The following GLI2 variants were observed in gnomAD, a reference collection of about 807,000 sequenced individuals.
GLI2 encodes GLI family zinc finger 2.
In GLI2, 22 loss-of-function variants were observed where a neutral mutation model predicts 78.9. The ratio of observed to expected loss-of-function variants is 0.28; its 90% CI spans 0.20 to 0.40. GLI2 has a LOEUF of 0.40. GLI2 is among the 10% of genes least tolerant of loss of function. The pLI, the probability that GLI2 is intolerant of heterozygous loss-of-function variation, is 1.00. For missense variants in GLI2, 2,097 were observed against 2,213.2 expected (o/e 0.95, Z 1.05); for synonymous variants, 974 against 963.7 (o/e 1.01, Z -0.20).
At chr2:120,858,721 A>G (rs1041872164) in intron 2 of GLI2, among the ~76,000 whole-genome samples, 1 of 152,126 alleles carries the variant, frequency 6.6e-6, no homozygotes, top group African/African-American at 2.4e-5. Flanking sequence ...TGAGCATGAG[A>G]TGATGTCAGG....
chr2:120,947,392 G>A (rs897410720), intron 3 of GLI2, among the ~76,000 whole-genome samples: 5 of 152,216 alleles, frequency 3.3e-5, no homozygotes, highest in African/African-American at 1.2e-4. Flanking sequence ...GAAAATATGT[G>A]CATGTGCCCC....
chr2:120,968,996 G>A, intron 6 of GLI2, 81 bp downstream of exon 6: 2 of 1,073,776 alleles, frequency 1.9e-6, no homozygotes, highest in South Asian at 2.6e-5. Flanking sequence ...TTTTCAGTGG[G>A]CGCTTTTGAC....
chr2:120,797,776 A>C (rs535596502), intron 2 of GLI2, among the ~76,000 whole-genome samples: 1 of 152,204 alleles, frequency 6.6e-6, no homozygotes, highest in South Asian at 2.1e-4. Flanking sequence ...GCTGCCAGGC[A>C]GCCCTGGGGT....
intron 2 of GLI2, among the ~76,000 whole-genome samples, chr2:120,842,678 G>A (rs1260000099): frequency 6.6e-6 from 1 of 152,170 alleles, no homozygotes; most frequent in African/African-American, 2.4e-5. Context: ...GGGCTGGCCT[G>A]GCCTCTGAGC....
At chr2:120,787,040 A>G (rs544357047) in intron 1 of GLI2, among the ~76,000 whole-genome samples, 2 of 152,352 alleles carry the variant, frequency 1.3e-5, no homozygotes, top group East Asian at 3.9e-4. Flanking sequence ...GGACACGGAC[A>G]CGTAAACATG....
rs1679416945 is a variant in GLI2, at chr2:120,922,292, CG to C, written c.149-5067del. 2.6e-5 allele frequency among the ~76,000 whole-genome samples: 4 copies of C among 152,178 alleles called. No homozygotes were observed. The South Asian group carries it at 8.3e-4, about 31-fold the overall frequency. ...ATGGGGTCTTCTCTCTGAGGGTGAG[CG>C]GAAGGGTCTGGGCAGGTCCCTGGTC... On this transcript the variant is annotated intron_variant, in intron 2 of 13. Coordinates refer to ENST00000361492, the MANE Select transcript of GLI2 (RefSeq NM_001374353.1).
intron 2 of GLI2, among the ~76,000 whole-genome samples, chr2:120,817,945 TG>T (rs1279765578): frequency 6.6e-6 from 1 of 152,226 alleles, no homozygotes; most frequent in African/African-American, 2.4e-5. Context: ...GAGGCCTCCA[TG>T]TCCTGCCATT....
chr2:120,873,806 T>C (rs1280673205), intron 2 of GLI2, among the ~76,000 whole-genome samples: 1 of 152,188 alleles, frequency 6.6e-6, no homozygotes, highest in East Asian at 1.9e-4. Context: ...CTCCTCTCTA[T>C]CATTGTGAAA....
At chr2:120,874,823 T>C (rs1688652415) in intron 2 of GLI2, among the ~76,000 whole-genome samples, 1 of 152,100 alleles carries the variant, frequency 6.6e-6, no homozygotes, top group Non-Finnish European at 1.5e-5. Context: ...AAGCTGCAGC[T>C]GGGGGTGGAG....
In GLI2 at chr2:120,891,812, G is replaced by T. The variant is rs540921611; in HGVS notation, c.149-35549G>T. Among the ~76,000 whole-genome samples the T allele has an allele frequency of 2.0e-5, 3 of 152,326 alleles. No individual in the cohort carries two copies. In the South Asian group the frequency reaches 6.2e-4, roughly 32 times the overall value. ...CCCTGACCCCACTGAAAAAGCAGCA[G>T]AGAGGGGCTTTGCACACCAGGCTGT... On this transcript the variant is annotated intron_variant, in intron 2 of 13. Transcript: ENST00000361492.
chr2:120,760,729 T>C (rs1683189440), intron 1 of GLI2, among the ~76,000 whole-genome samples: 1 of 152,200 alleles, frequency 6.6e-6, no homozygotes, highest in Non-Finnish European at 1.5e-5. Flanking sequence ...TCTGTCTCTT[T>C]TGGCTCTTTT....
intron 4 of GLI2, 64 bp from the exon 5 acceptor site, chr2:120,955,181 T>TTTTG: frequency 1.9e-6 from 1 of 531,604 alleles, no homozygotes; most frequent in Non-Finnish European, 3.3e-6. Context: ...TTTTTTTTTT[T>TTTTG]GGCAGGAGAA....
chr2:120,894,369 G>A (rs955528140), intron 2 of GLI2, among the ~76,000 whole-genome samples: 8 of 152,226 alleles, frequency 5.3e-5, no homozygotes, highest in South Asian at 2.1e-4. Context: ...TGGGACCGGC[G>A]TGGCTCCGCT....
intron 2 of GLI2, among the ~76,000 whole-genome samples, chr2:120,814,438 G>A (rs867814354): frequency 2.0e-5 from 3 of 152,174 alleles, no homozygotes; most frequent in Non-Finnish European, 2.9e-5. Flanking sequence ...AGATCACCTG[G>A]CTGTTGTCAG....
rs1165618117 is a variant in GLI2, at chr2:120,879,518, AG to A, written c.149-47841del. Among the ~76,000 whole-genome samples the A allele has an allele frequency of 5.9e-5, 9 of 152,216 alleles. No individual in the cohort carries two copies. The East Asian group carries it at 1.7e-3, about 29-fold the overall frequency. ...AGTAGTTCCTCACCCGTGCGTGGGG[AG>A]GCAGCATGAGCAGTTAGGAGGAGGA... On this transcript the variant is annotated intron_variant, in intron 2 of 13. Transcript: ENST00000361492.
At chr2:120,880,118 G>A (rs946332738) in intron 2 of GLI2, among the ~76,000 whole-genome samples, 3 of 152,108 alleles carry the variant, frequency 2.0e-5, no homozygotes, top group African/African-American at 7.2e-5. Context: ...CATCCTGTAG[G>A]GGGCTGTTAC....
rs147377016 is a variant in GLI2 at position 120,986,532 on chromosome 2, C to T, written c.2160C>T (p.Leu720=). The T allele has an allele frequency of 6.2e-7, 1 of 1,614,158 alleles. No individual in the cohort carries two copies. Among genetic ancestry groups the T allele is most frequent in the Admixed American group, 1.7e-5 (1 of 60,026 alleles). The change falls in exon 13 of 14, where the codon CTC becomes CTT. Residue 720 remains leucine, a synonymous_variant. Transcript: ENST00000361492. ...TCGAGCAGCTCAAGAAGGAGAAGCT[C>T]AAGTCACTCAAGGATTCCTGCTCAT... ...HRFEQLKKEK[L]KSLKDSCSWA...
At chr2:120,760,790 C>G (rs1242747252) in intron 1 of GLI2, among the ~76,000 whole-genome samples, 3 of 152,190 alleles carry the variant, frequency 2.0e-5, no homozygotes, top group Admixed American at 6.5e-5. Context: ...AAAATCAAAA[C>G]AAAACTGTCA....
intron 1 of GLI2, among the ~76,000 whole-genome samples, chr2:120,753,159 C>T (rs769726070): frequency 3.4e-5 from 5 of 146,272 alleles, no homozygotes; most frequent in Admixed American, 7.0e-5. Context: ...TGCAGTGGCA[C>T]GATCTCAGCT....
Sources: allele counts gnomAD v4.1 joint callset (sites outside exome capture counted in the v4.1 genomes callset), GRCh38; gene constraint gnomAD v4.1.1; transcripts MANE v1.5; gene names NCBI Gene and HGNC (gene_info 2026-07-23, HGNC 2026-07-21).